Variants in CNOT2 observed in about 807,000 individuals in gnomAD.
The protein encoded by CNOT2 is CCR4-NOT transcription complex subunit 2, also known as CC chemokine receptor 4-negative regulator of transcription 2.
A neutral mutation model predicts 72.1 loss-of-function variants in CNOT2; 7 were observed. That is an observed-to-expected ratio of 0.10 (90% confidence interval 0.06 to 0.18). The LOEUF is 0.18. Among genes scored for constraint, CNOT2 ranks in the 10% least tolerant of loss-of-function variants. The pLI, the probability that CNOT2 is intolerant of heterozygous loss-of-function variation, is 1.00. For synonymous variants in CNOT2, 196 were observed against 225.6 expected, an observed-to-expected ratio of 0.87 and a Z score of 1.17; for missense variants, 345 against 660.3, an observed-to-expected ratio of 0.52 and a Z score of 5.23.
chr12:70,330,625 C>T lies in CNOT2; in HGVS notation c.569+156C>T, dbSNP rs564086788. 11 of 455,712 alleles carry T rather than the reference C, an allele frequency of 2.4e-5. 1 individual carries two copies. Among genetic ancestry groups the T allele is most frequent in the South Asian group, 1.1e-4 (2 of 17,980 alleles). The allele number at this position is 455,712 out of a possible 1,614,324, so 28.2% of individuals were successfully genotyped here. On this transcript the variant is annotated intron_variant, in intron 6 of 15. Coordinates refer to ENST00000229195, the MANE Select transcript of CNOT2 (RefSeq NM_014515.7). ...AAAGATTCTGTTACCCATCACAAAA[C>T]GATACGTTTTCTTGAAAATCAGGTT...
intron 6 of CNOT2, 88 bp downstream of exon 6, chr12:70,330,557 T>C (rs1230885048): frequency 1.6e-5 from 13 of 823,466 alleles, no homozygotes; most frequent in Non-Finnish European, 2.3e-5. Flanking sequence ...TCTTGAGGTG[T>C]GGCTTCTCTC....
intron 1 of CNOT2, among the ~76,000 whole-genome samples, chr12:70,256,097 G>A (rs890108526): frequency 6.6e-6 from 1 of 152,058 alleles, no homozygotes; most frequent in Non-Finnish European, 1.5e-5. Context: ...AAGTAATTAG[G>A]GAATTCATTC....
At chr12:70,279,404 C>G (rs1869427182) in intron 2 of CNOT2, among the ~76,000 whole-genome samples, 2 of 152,180 alleles carry the variant, frequency 1.3e-5, no homozygotes, top group African/African-American at 4.8e-5. Context: ...AACTTGGTAT[C>G]TAAAGTTTCT....
chr12:70,296,159 A>T (rs964447061), intron 2 of CNOT2, among the ~76,000 whole-genome samples: 2 of 151,726 alleles, frequency 1.3e-5, no homozygotes, highest in Non-Finnish European at 2.9e-5. Context: ...ACACACACAT[A>T]CCCTCCCCAT....
At chr12:70,320,428 T>G (rs1878100314) in intron 4 of CNOT2, among the ~76,000 whole-genome samples, 1 of 151,768 alleles carries the variant, frequency 6.6e-6, no homozygotes, top group Non-Finnish European at 1.5e-5. Context: ...CTTTTGTGGC[T>G]TTTCTCTTTT....
chr12:70,308,353 T>C (rs557854303), intron 2 of CNOT2, among the ~76,000 whole-genome samples: 1 of 152,252 alleles, frequency 6.6e-6, no homozygotes, highest in South Asian at 2.1e-4. Flanking sequence ...AGCACCCATC[T>C]CTGGATGGGG....
At chr12:70,341,833 T>G (rs1432045107) in intron 11 of CNOT2, among the ~76,000 whole-genome samples, 1 of 152,172 alleles carries the variant, frequency 6.6e-6, no homozygotes, top group Non-Finnish European at 1.5e-5. Flanking sequence ...CAAGTAAAAG[T>G]AGAAAATTTT....
At chr12:70,291,760 AC>A in intron 2 of CNOT2, among the ~76,000 whole-genome samples, 1 of 152,046 alleles carries the variant, frequency 6.6e-6, no homozygotes, top group East Asian at 1.9e-4. Flanking sequence ...ACACGGTGAA[AC>A]CCCATCTCTA....
intron 4 of CNOT2, 94 bp from the exon 5 acceptor site, chr12:70,329,329 C>A: frequency 1.1e-6 from 1 of 905,132 alleles, no homozygotes; most frequent in Non-Finnish European, 1.8e-6. Context: ...TATGTTAGGT[C>A]ATTAAAAGTG....
chr12:70,317,654 C>T (rs1284889539), intron 3 of CNOT2, among the ~76,000 whole-genome samples: 4 of 101,432 alleles, frequency 3.9e-5, no homozygotes, highest in Admixed American at 3.5e-4. Context: ...TCACTACTGT[C>T]GTATTAATAT....
chr12:70,284,702 G>C lies in CNOT2; in HGVS notation c.48+6428G>C, dbSNP rs576686741. Reference sequence around the variant, plus strand: ...ATTGGTTGGCTCATTGCCGTGTGATGCTAAGTGTTAACCTTTCTTTGAATG... The same window carrying C: ...ATTGGTTGGCTCATTGCCGTGTGATCCTAAGTGTTAACCTTTCTTTGAATG... On this transcript the variant is annotated intron_variant, in intron 2 of 15. Transcript: ENST00000229195. Among the ~76,000 whole-genome samples the C allele has an allele frequency of 9.9e-5, 15 of 150,784 alleles. No individual in the cohort carries two copies. The South Asian group carries it at 1.3e-3, about 13-fold the overall frequency.
intron 1 of CNOT2, among the ~76,000 whole-genome samples, chr12:70,277,803 GAA>G (rs1181246864): frequency 1.3e-5 from 2 of 152,072 alleles, no homozygotes; most frequent in East Asian, 3.9e-4. Context: ...TCATGTAAAA[GAA>G]AAAAATATGT....
intron 2 of CNOT2, among the ~76,000 whole-genome samples, chr12:70,292,640 A>G (rs1263904025): frequency 1.3e-5 from 2 of 152,202 alleles, no homozygotes; most frequent in East Asian, 3.8e-4. Context: ...GAGATTAGAG[A>G]TAACAAAGAG....
At chr12:70,256,721 A>G (rs1440603530) in intron 1 of CNOT2, among the ~76,000 whole-genome samples, 3 of 152,206 alleles carry the variant, frequency 2.0e-5, no homozygotes, top group South Asian at 4.2e-4. Context: ...AAACATTGCC[A>G]TTTCCTTTGC....
intron 2 of CNOT2, among the ~76,000 whole-genome samples, chr12:70,303,293 TG>T (rs1201162394): frequency 6.6e-6 from 1 of 152,222 alleles, no homozygotes; most frequent in Non-Finnish European, 1.5e-5. Flanking sequence ...CGTTAGTTGA[TG>T]CAGTTTCTTC....
At chr12:70,313,421 G>T (rs1183656745) in intron 3 of CNOT2, among the ~76,000 whole-genome samples, 2 of 151,842 alleles carry the variant, frequency 1.3e-5, no homozygotes, top group South Asian at 2.1e-4. Flanking sequence ...TTCTGTTTTC[G>T]AGATCATACT....
intron 2 of CNOT2, 90 bp downstream of exon 2, chr12:70,278,364 A>G: frequency 5.4e-6 from 5 of 933,382 alleles, no homozygotes; most frequent in Non-Finnish European, 6.7e-6. Flanking sequence ...GAACCAGCAA[A>G]TTGGTTACAC....
chr12:70,347,037 A>T (rs904454413), intron 15 of CNOT2, among the ~76,000 whole-genome samples: 2 of 135,342 alleles, frequency 1.5e-5, no homozygotes, highest in African/African-American at 5.3e-5. Flanking sequence ...TCTATATATT[A>T]TTCTCCACAT....
At chr12:70,256,271 T>G (rs970746927) in intron 1 of CNOT2, among the ~76,000 whole-genome samples, 1 of 152,188 alleles carries the variant, frequency 6.6e-6, no homozygotes, top group East Asian at 1.9e-4. Flanking sequence ...AGTTTCAGAT[T>G]TATCAATTGG....
Sources: gnomAD v4.1 joint callset for allele counts (sites outside exome capture counted in the v4.1 genomes callset) on GRCh38, gnomAD v4.1.1 for gene constraint, MANE v1.5 for transcripts, NCBI Gene and HGNC (gene_info 2026-07-23, HGNC 2026-07-21) for gene names.